The following LDB2 variants were observed in gnomAD, a reference collection of about 807,000 sequenced individuals.
LDB2 encodes the protein LIM domain-binding protein 2.
A neutral mutation model predicts 44.3 loss-of-function variants in LDB2; 12 were observed. The ratio of observed to expected loss-of-function variants is 0.27; its 90% CI spans 0.17 to 0.44. The LOEUF (loss-of-function observed/expected upper bound fraction) is 0.44. Among genes scored for constraint, LDB2 ranks in the 20% least tolerant of loss-of-function variants. The pLI is 1.00. For missense variants in LDB2, 344 were observed against 473.5 expected, an observed-to-expected ratio of 0.73 and a Z score of 2.54; for synonymous variants, 164 against 174.8, an observed-to-expected ratio of 0.94 and a Z score of 0.49.
At chr4:16,567,457 A>T (rs186512920) in intron 5 of LDB2, among the ~76,000 whole-genome samples, 11 of 152,216 alleles carry the variant, frequency 7.2e-5, no homozygotes, top group African/African-American at 2.6e-4. Context: ...TATTCATGGA[A>T]TATCTCTGGA....
chr4:16,855,441 A>C (rs1001604507), intron 1 of LDB2, among the ~76,000 whole-genome samples: 1 of 152,166 alleles, frequency 6.6e-6, no homozygotes, highest in African/African-American at 2.4e-5. Context: ...TAAAGACCAT[A>C]CTAGGAAAAA....
intron 5 of LDB2, among the ~76,000 whole-genome samples, chr4:16,541,480 G>A (rs574176264): frequency 2.0e-5 from 3 of 152,186 alleles, no homozygotes; most frequent in African/African-American, 7.2e-5. Context: ...TCTTTTCTTC[G>A]TAAATTACCC....
chr4:16,739,132 T>A (rs73241033), intron 2 of LDB2, among the ~76,000 whole-genome samples: 15,161 of 152,028 alleles, frequency 0.1, 883 homozygotes, highest in Admixed American at 0.17. Context: ...GCCCCCCAAA[T>A]CATCTTCCTT....
At chr4:16,795,242 T>C (rs1476092029) in intron 1 of LDB2, among the ~76,000 whole-genome samples, 1 of 152,054 alleles carries the variant, frequency 6.6e-6, no homozygotes. Context: ...AAGAGAAGCA[T>C]GTCAGATGTG....
chr4:16,755,531 GA>G (rs1766422845), intron 2 of LDB2, among the ~76,000 whole-genome samples: 1 of 24,974 alleles, frequency 4.0e-5, no homozygotes, highest in Non-Finnish European at 1.1e-4. Flanking sequence ...GTGTATGTGA[GA>G]GAGAGAGAGA....
intron 2 of LDB2, among the ~76,000 whole-genome samples, chr4:16,682,192 T>G (rs760571423): frequency 6.6e-6 from 1 of 152,194 alleles, no homozygotes; most frequent in Non-Finnish European, 1.5e-5. Flanking sequence ...TGTAATAATT[T>G]TAATCTGTCA....
intron 1 of LDB2, among the ~76,000 whole-genome samples, chr4:16,868,234 T>C (rs1715341322): frequency 6.6e-6 from 1 of 152,170 alleles, no homozygotes; most frequent in Non-Finnish European, 1.5e-5. Flanking sequence ...TTCTGTGCTT[T>C]AATATCTCAG....
chr4:16,829,998 G>A (rs1032553656), intron 1 of LDB2, among the ~76,000 whole-genome samples: 18 of 152,168 alleles, frequency 1.2e-4, no homozygotes, highest in African/African-American at 1.9e-4. Flanking sequence ...TCAGCTACTC[G>A]GGAGGCTGAG....
At chr4:16,541,382 AAG>A (rs1269781070) in intron 5 of LDB2, among the ~76,000 whole-genome samples, 1 of 152,178 alleles carries the variant, frequency 6.6e-6, no homozygotes, top group Non-Finnish European at 1.5e-5. Flanking sequence ...TGCCACGAGT[AAG>A]AGCTCCCTGA....
At chr4:16,864,303 A>G (rs536832144) in intron 1 of LDB2, among the ~76,000 whole-genome samples, 3 of 152,320 alleles carry the variant, frequency 2.0e-5, no homozygotes, top group Non-Finnish European at 4.4e-5. Flanking sequence ...AAAACTAGGA[A>G]ACAAACACAG....
intron 2 of LDB2, among the ~76,000 whole-genome samples, chr4:16,678,988 A>G (rs188003465): frequency 6.6e-6 from 1 of 152,388 alleles, no homozygotes; most frequent in Admixed American, 6.5e-5. Context: ...AGAGAACCCA[A>G]GAAATACAAA....
intron 1 of LDB2, among the ~76,000 whole-genome samples, chr4:16,847,468 A>G (rs909133776): frequency 3.3e-5 from 5 of 152,246 alleles, no homozygotes; most frequent in Non-Finnish European, 5.9e-5. Context: ...AAATTCTTAC[A>G]TCAAAGATGT....
At chr4:16,862,738 T>A (rs534068311) in intron 1 of LDB2, among the ~76,000 whole-genome samples, 127 of 146,238 alleles carry the variant, frequency 8.7e-4, no homozygotes, top group Non-Finnish European at 1.5e-3. Flanking sequence ...TTTGCAACCA[T>A]CAGTAGTTTT....
intron 1 of LDB2, among the ~76,000 whole-genome samples, chr4:16,793,223 T>C (rs956620904): frequency 1.3e-5 from 2 of 152,190 alleles, no homozygotes; most frequent in African/African-American, 4.8e-5. Flanking sequence ...TTCAAGCTTT[T>C]GTGCCCTTTT....
intron 1 of LDB2, among the ~76,000 whole-genome samples, chr4:16,852,239 C>G (rs1017604955): frequency 6.6e-6 from 1 of 152,138 alleles, no homozygotes; most frequent in Non-Finnish European, 1.5e-5. Context: ...ATCTCTTACC[C>G]AGAACATTAG....
intron 1 of LDB2, among the ~76,000 whole-genome samples, chr4:16,862,258 T>TA (rs200879526): frequency 0.03 from 4,493 of 151,698 alleles, 207 homozygotes; most frequent in African/African-American, 0.1. Context: ...TTTTTTTTTT[T>TA]ATTTTTCTCC....
intron 3 of LDB2, among the ~76,000 whole-genome samples, chr4:16,591,803 C>T (rs1398576261): frequency 6.6e-6 from 1 of 151,952 alleles, no homozygotes; most frequent in Non-Finnish European, 1.5e-5. Flanking sequence ...TTAACATCTT[C>T]TCTCTTCAGA....
intron 2 of LDB2, among the ~76,000 whole-genome samples, chr4:16,644,610 A>G (rs1231050773): frequency 4.0e-5 from 6 of 151,834 alleles, no homozygotes; most frequent in Non-Finnish European, 7.4e-5. Context: ...TTGTGTTTTT[A>G]GTAGAGACGG....
intron 2 of LDB2, among the ~76,000 whole-genome samples, chr4:16,645,057 T>A (rs1366480186): frequency 6.6e-6 from 1 of 152,214 alleles, no homozygotes; most frequent in Non-Finnish European, 1.5e-5. Context: ...TGCCCAACTC[T>A]CTACATTACC....
Sources: gnomAD v4.1 joint callset for allele counts (sites outside exome capture counted in the v4.1 genomes callset) on GRCh38, gnomAD v4.1.1 for gene constraint, MANE v1.5 for transcripts, NCBI Gene and HGNC (gene_info 2026-07-23, HGNC 2026-07-21) for gene names.